Variants in KIF1B observed in about 807,000 individuals in gnomAD.
KIF1B encodes kinesin family member 1B, also known as kinesin-like protein KIF1B.
In KIF1B, 76 loss-of-function variants were observed where a neutral mutation model predicts 241.9. The ratio of observed to expected loss-of-function variants is 0.31; its 90% CI spans 0.26 to 0.38. KIF1B has a LOEUF of 0.38. Among genes scored for constraint, KIF1B ranks in the 10% least tolerant of loss-of-function variants. The pLI, the probability that KIF1B is intolerant of heterozygous loss-of-function variation, is 1.00. For missense variants in KIF1B, 1,622 were observed against 2,271.4 expected (o/e 0.71, Z 5.81); for synonymous variants, 750 against 796.7 (o/e 0.94, Z 0.99).
chr1:10,374,235 C>A lies in KIF1B; in HGVS notation c.4947-81C>A, dbSNP rs889458799. On this transcript the variant is annotated intron_variant, in intron 45 of 48. Coordinates refer to ENST00000676179, the MANE Select transcript of KIF1B (RefSeq NM_001365951.3). This position sits in a 1 kb window ranked among gnomAD's most constrained non-coding sequence, Gnocchi z 4.3. ...TTTAGGGAGGGCCATTGTGTTCCTC[C>A]CAGTGAAACAGTACTCAGTATGCCT... 4.2e-6 allele frequency: 6 copies of A among 1,441,612 alleles called. No homozygotes were observed. In the African/African-American group the frequency reaches 8.4e-5, roughly 20 times the overall value. The allele number at this position is 1,441,612 out of a possible 1,614,324, so 89.3% of individuals were successfully genotyped here. A position where few individuals can be genotyped will look rare whatever the true frequency, so the allele number is the denominator to read the frequency against.
intron 1 of KIF1B, among the ~76,000 whole-genome samples, chr1:10,226,892 C>A (rs1194547449): frequency 2.0e-5 from 3 of 151,980 alleles, no homozygotes; most frequent in African/African-American, 7.2e-5. Context: ...CACCTGAGCC[C>A]AGGAGGTCAA....
intron 38 of KIF1B, among the ~76,000 whole-genome samples, chr1:10,359,462 G>A (rs961916821): frequency 1.3e-5 from 2 of 152,092 alleles, no homozygotes; most frequent in Non-Finnish European, 2.9e-5. Context: ...ACTAAGTGCT[G>A]TATTTCACAT....
Position 10,258,686 on chromosome 1 carries a change from CAA to C in KIF1B, c.363+17_363+18del, listed in dbSNP as rs775016794. Reference sequence around the variant, plus strand: ...ATCATTCCACAGGTGAAAAACAAAACAAAACAAAAATCTTCTCTTCATTATTA... The same window carrying C: ...ATCATTCCACAGGTGAAAAACAAAACAACAAAAATCTTCTCTTCATTATTA... On this transcript the variant is annotated intron_variant, in intron 4 of 48. Coordinates refer to ENST00000676179, the MANE Select transcript of KIF1B (RefSeq NM_001365951.3). 18 of 1,613,204 alleles carry C rather than the reference CAA, an allele frequency of 1.1e-5. No homozygotes were observed. The highest frequency in any genetic ancestry group is 1.5e-5 in the Non-Finnish European group (18 of 1,179,440).
At chr1:10,304,693 G>A (rs1332796633) in intron 22 of KIF1B, 2 of 1,608,528 alleles carry the variant, frequency 1.2e-6, no homozygotes, top group Admixed American at 1.7e-5. Flanking sequence ...GAAACAGACA[G>A]TGTTAGCTCA....
At chr1:10,308,039 A>G in intron 22 of KIF1B, 1 of 1,059,592 alleles carries the variant, frequency 9.4e-7, no homozygotes, top group Non-Finnish European at 1.1e-6. Context: ...AAAAAACAAA[A>G]CACTGAATTT....
In KIF1B at chr1:10,267,448, G is replaced by C; in HGVS notation, c.498G>C (p.Leu166Phe). Reference sequence around the variant, plus strand: ...TGAATCCAAAAAACAAGGGTAATTTGCGTGTGCGTGAACACCCACTTCTTG... The same window carrying C: ...TGAATCCAAAAAACAAGGGTAATTTCCGTGTGCGTGAACACCCACTTCTTG... ...DLLNPKNKGNLRVREHPLLGP... is the reference protein window; with the variant it reads ...DLLNPKNKGNFRVREHPLLGP... Residue 166 changes from leucine to phenylalanine, a missense_variant, in exon 6 of 49, where the codon TTG becomes TTC. Around this residue, in one of 7 missense-constraint regions of KIF1B, gnomAD observed 156 missense variants for 244.8 expected, o/e 0.64. Transcript: ENST00000676179. The C allele has an allele frequency of 6.2e-7, 1 of 1,614,198 alleles. No homozygotes were observed. The highest frequency in any genetic ancestry group is 8.5e-7 in the Non-Finnish European group (1 of 1,180,024).
In KIF1B at chr1:10,283,347, T is replaced by A. The variant is rs17034668; in HGVS notation, c.1434+814T>A. On this transcript the variant is annotated intron_variant, in intron 15 of 48. Transcript: ENST00000676179. ...CCCTATGATTACTGTACAGGAAGGT[T>A]ATCTCCTCCTATGCTGGTACCCATG... Among the ~76,000 whole-genome samples, 263 of 152,296 alleles carry A rather than the reference T, an allele frequency of 1.7e-3. 1 individual carries two copies. The highest frequency in any genetic ancestry group is 6.0e-3 in the African/African-American group (251 of 41,560).
chr1:10,374,306 T>C lies in KIF1B; in HGVS notation c.4947-10T>C. On this transcript the variant is annotated splice_polypyrimidine_tract_variant and intron_variant, in intron 45 of 48. Transcript: ENST00000676179. This position sits in a 1 kb window ranked among gnomAD's most constrained non-coding sequence, Gnocchi z 4.3. Reference sequence around the variant, plus strand: ...GTTACCCTTTTCTTTCTAATCTCTCTATTTTAAAGGACCCCAGAAGCCAAT... The same window carrying C: ...GTTACCCTTTTCTTTCTAATCTCTCCATTTTAAAGGACCCCAGAAGCCAAT... The C allele has an allele frequency of 6.2e-7, 1 of 1,613,500 alleles. No homozygotes were observed. Among genetic ancestry groups the C allele is most frequent in the Non-Finnish European group, 8.5e-7 (1 of 1,179,416 alleles).
chr1:10,352,791 C>T, intron 38 of KIF1B, 55 bp downstream of exon 38: 2 of 1,248,772 alleles, frequency 1.6e-6, no homozygotes, highest in Admixed American at 3.4e-5. Flanking sequence ...TTAATTGGTA[C>T]ACCGTTAGGT....
intron 1 of KIF1B, among the ~76,000 whole-genome samples, chr1:10,213,659 T>C (rs1646725437): frequency 1.3e-5 from 2 of 152,174 alleles, no homozygotes; most frequent in Admixed American, 6.5e-5. Context: ...TGCTCTGAAG[T>C]TATTTTATGT....
intron 19 of KIF1B, among the ~76,000 whole-genome samples, chr1:10,296,195 A>G (rs1178241319): frequency 1.3e-5 from 2 of 152,192 alleles, no homozygotes; most frequent in African/African-American, 2.4e-5. Context: ...TTTTTCTGTT[A>G]TATAAGTCAC....
At chr1:10,360,179 T>C (rs907296129) in intron 38 of KIF1B, among the ~76,000 whole-genome samples, 1 of 152,216 alleles carries the variant, frequency 6.6e-6, no homozygotes, top group Non-Finnish European at 1.5e-5. Context: ...GAATGATGTT[T>C]AGCCCTCTTG....
chr1:10,295,787 C>T (rs1342433353), intron 19 of KIF1B, 21 bp downstream of exon 19: 4 of 1,567,438 alleles, frequency 2.6e-6, no homozygotes, highest in Non-Finnish European at 3.5e-6. Context: ...CTGGCTGGAG[C>T]TTCAGCAACA....
chr1:10,259,992 T>TC (rs1439042964), intron 4 of KIF1B, among the ~76,000 whole-genome samples: 1 of 152,172 alleles, frequency 6.6e-6, no homozygotes, highest in Non-Finnish European at 1.5e-5. Flanking sequence ...AAGATTGTAT[T>TC]TAAAATTTTC....
intron 17 of KIF1B, among the ~76,000 whole-genome samples, chr1:10,293,742 A>G (rs1650124689): frequency 6.6e-6 from 1 of 152,186 alleles, no homozygotes; most frequent in South Asian, 2.1e-4. Context: ...TTTAACATAA[A>G]TCATAAATAA....
intron 41 of KIF1B, among the ~76,000 whole-genome samples, chr1:10,364,200 C>CTTTT (rs779967463): frequency 2.4e-4 from 27 of 113,842 alleles, no homozygotes; most frequent in African/African-American, 3.1e-4. Flanking sequence ...GGGACAGGAT[C>CTTTT]TTTTTTTTTT....
At chr1:10,212,529 T>G (rs1646706227) in intron 1 of KIF1B, among the ~76,000 whole-genome samples, 1 of 152,160 alleles carries the variant, frequency 6.6e-6, no homozygotes, top group African/African-American at 2.4e-5. Context: ...TGGCCTTTGC[T>G]TTCATTCAAG....
intron 15 of KIF1B, among the ~76,000 whole-genome samples, chr1:10,283,318 G>C (rs1237991994): frequency 6.6e-6 from 1 of 150,716 alleles, no homozygotes; most frequent in African/African-American, 2.4e-5. Flanking sequence ...AGAAAGCCTT[G>C]ATGCCCTATG....
chr1:10,342,024 C>CT (rs763581572), intron 32 of KIF1B, 26 bp from the exon 33 acceptor site: 1 of 1,399,704 alleles, frequency 7.1e-7, no homozygotes, highest in Non-Finnish European at 1.0e-6. Flanking sequence ...TTCTTGTAAT[C>CT]TTTTCCTAAT....
Sources: allele counts gnomAD v4.1 joint callset (sites outside exome capture counted in the v4.1 genomes callset), GRCh38; gene constraint gnomAD v4.1.1; regional missense constraint gnomAD v4.1.1; non-coding constraint Gnocchi (gnomAD v3.1); transcripts MANE v1.5; gene names NCBI Gene and HGNC (gene_info 2026-07-23, HGNC 2026-07-21).